Variants in UBE3A observed in about 807,000 individuals in gnomAD.
UBE3A encodes the protein ubiquitin protein ligase E3A.
Under a neutral mutation model 83.4 loss-of-function variants are expected in UBE3A, and 6 were observed. The observed-to-expected ratio is 0.07, with a 90% confidence interval of 0.04 to 0.14. The LOEUF (loss-of-function observed/expected upper bound fraction) is 0.14. UBE3A is among the 10% of genes least tolerant of loss of function. The pLI is 1.00. For synonymous variants in UBE3A, 337 were observed against 355.4 expected, an observed-to-expected ratio of 0.95 and a Z score of 0.58; for missense variants, 456 against 1,036.1, an observed-to-expected ratio of 0.44 and a Z score of 7.69.
At chr15:25,433,587 C>T (rs1439983645) in intron 1 of UBE3A, among the ~76,000 whole-genome samples, 2 of 152,118 alleles carry the variant, frequency 1.3e-5, no homozygotes, top group South Asian at 2.1e-4. Flanking sequence ...AAAGAAGGAA[C>T]GAAGGCTTCA....
intron 6 of UBE3A, among the ~76,000 whole-genome samples, chr15:25,362,971 A>G (rs1366328342): frequency 1.3e-5 from 2 of 152,196 alleles, no homozygotes; most frequent in Non-Finnish European, 2.9e-5. Flanking sequence ...CATAGATGAG[A>G]GCTGACTCCT....
intron 4 of UBE3A, among the ~76,000 whole-genome samples, chr15:25,380,460 C>G (rs1403054085): frequency 6.6e-6 from 1 of 152,108 alleles, no homozygotes; most frequent in Non-Finnish European, 1.5e-5. Context: ...AGTGACCCTG[C>G]CATCTAATCA....
chr15:25,409,137 A>T lies in UBE3A; in HGVS notation c.-30T>A. 6.3e-7 allele frequency: 1 copy of T among 1,593,364 alleles called. No homozygotes were observed. The highest frequency in any genetic ancestry group is 8.6e-7 in the Non-Finnish European group (1 of 1,168,818). On this transcript the variant is annotated 5_prime_UTR_variant, in exon 3 of 13. Coordinates refer to ENST00000648336, the MANE Select transcript of UBE3A (RefSeq NM_130839.5). Reference sequence around the variant, plus strand: ...TGACATCAGGGTGATCACAGCTTTGAGTCACTGATTAAAAACAGGTTGTCA... The same window carrying T: ...TGACATCAGGGTGATCACAGCTTTGTGTCACTGATTAAAAACAGGTTGTCA...
At chr15:25,357,148 C>T (rs972200500) in intron 7 of UBE3A, among the ~76,000 whole-genome samples, 2 of 151,986 alleles carry the variant, frequency 1.3e-5, no homozygotes, top group Non-Finnish European at 2.9e-5. Context: ...AATTTGGTGG[C>T]ATCGGGTAGA....
At chr15:25,411,363 G>T (rs1162006890) in intron 2 of UBE3A, among the ~76,000 whole-genome samples, 1 of 152,250 alleles carries the variant, frequency 6.6e-6, no homozygotes, top group Non-Finnish European at 1.5e-5. Context: ...GCCAAGGCGG[G>T]TGGATCACTT....
rs572181591 is a variant in UBE3A, at chr15:25,432,243, T to C, written c.-165+6246A>G. On this transcript the variant is annotated intron_variant, in intron 1 of 12. Transcript: ENST00000648336. Reference sequence around the variant, plus strand: ...TCCATAGTGAATACATGGTGCTTTATTGTTTTCAGTATTTCTATATTTAAT... The same window carrying C: ...TCCATAGTGAATACATGGTGCTTTACTGTTTTCAGTATTTCTATATTTAAT... Among the ~76,000 whole-genome samples the C allele has an allele frequency of 3.2e-4, 49 of 152,348 alleles. No homozygotes were observed. In the Middle Eastern group the frequency reaches 0.01, roughly 32 times the overall value.
At chr15:25,430,828 A>G (rs1283869458) in intron 1 of UBE3A, among the ~76,000 whole-genome samples, 1 of 152,212 alleles carries the variant, frequency 6.6e-6, no homozygotes, top group Non-Finnish European at 1.5e-5. Flanking sequence ...CCCATTCTCC[A>G]GCTGAGATCC....
At chr15:25,392,578 C>T (rs570742112) in intron 4 of UBE3A, among the ~76,000 whole-genome samples, 27 of 152,050 alleles carry the variant, frequency 1.8e-4, no homozygotes, top group African/African-American at 5.8e-4. Flanking sequence ...GAGAAAGCCA[C>T]GATTTCAATA....
chr15:25,391,095 CTAAACATCCA>C (rs1302650674), intron 4 of UBE3A, among the ~76,000 whole-genome samples: 3 of 152,010 alleles, frequency 2.0e-5, no homozygotes, highest in Non-Finnish European at 4.4e-5. Context: ...TGGAAGGAAC[CTAAACATCCA>C]TCAACAAATG....
chr15:25,349,697 C>A (rs2076218502), intron 11 of UBE3A, among the ~76,000 whole-genome samples: 2 of 152,244 alleles, frequency 1.3e-5, no homozygotes, highest in Middle Eastern at 3.4e-3. Context: ...TTTTTAAATT[C>A]TTTCCTTAAA....
chr15:25,405,614 A>G lies in UBE3A; in HGVS notation c.21-112T>C, dbSNP rs1033813610. ...TAAACAAGATTTAAGCACTAAATAAAACAGTTTTAAAATTAAAGATGTCAA... is the reference window on the plus strand; with the variant it reads ...TAAACAAGATTTAAGCACTAAATAAGACAGTTTTAAAATTAAAGATGTCAA... On this transcript the variant is annotated intron_variant, in intron 3 of 12. Transcript: ENST00000648336. The G allele has an allele frequency of 2.6e-6, 3 of 1,134,296 alleles. No individual in the cohort carries two copies. The African/African-American group carries it at 4.6e-5, about 17-fold the overall frequency. The allele number at this position is 1,134,296 out of a possible 1,614,324, so 70.3% of individuals were successfully genotyped here. A position where few individuals can be genotyped will look rare whatever the true frequency, so the allele number is the denominator to read the frequency against.
intron 4 of UBE3A, among the ~76,000 whole-genome samples, chr15:25,381,631 G>A (rs1342709088): frequency 2.6e-5 from 4 of 152,188 alleles, no homozygotes; most frequent in Non-Finnish European, 5.9e-5. Context: ...TATATAATTA[G>A]TCTATAAAGC....
chr15:25,362,883 A>G (rs917805958), intron 6 of UBE3A, among the ~76,000 whole-genome samples: 6 of 152,138 alleles, frequency 3.9e-5, no homozygotes, highest in African/African-American at 7.2e-5. Flanking sequence ...TATCAAATAT[A>G]ATGTATTCCA....
In UBE3A at chr15:25,354,576, C is replaced by T. The variant is rs755098625; in HGVS notation, c.2232G>A (p.Lys744=). The T allele has an allele frequency of 6.2e-7, 1 of 1,613,882 alleles. No individual in the cohort carries two copies. The highest frequency in any genetic ancestry group is 1.3e-5 in the African/African-American group (1 of 75,026). The stretch of plus-strand genomic sequence containing the variant: ...CAATTTCTTCTGGTCTGAATAAGTA[C>T]TTTAAGGGAGATTCATTGGTCACCA... The part of the protein sequence containing the change: ...FHMVTNESPL[K]YLFRPEEIEL... Residue 744 remains lysine (K), a synonymous_variant, in exon 10 of 13, where the codon AAG becomes AAA. Transcript: ENST00000648336.
At chr15:25,398,798 T>TATATATAA (rs2086318764) in intron 4 of UBE3A, among the ~76,000 whole-genome samples, 1 of 81,232 alleles carries the variant, frequency 1.2e-5, no homozygotes, top group Non-Finnish European at 2.6e-5. Context: ...TATATATATA[T>TATATATAA]ATATATATAT....
intron 3 of UBE3A, among the ~76,000 whole-genome samples, chr15:25,406,244 A>G (rs1275016757): frequency 6.6e-6 from 1 of 152,210 alleles, no homozygotes; most frequent in Non-Finnish European, 1.5e-5. Context: ...TTCAACAATG[A>G]AACTGTTTCC....
At chr15:25,373,709 C>T (rs1446334414) in intron 5 of UBE3A, 1 of 152,148 alleles carries the variant, frequency 6.6e-6, no homozygotes, top group Non-Finnish European at 1.5e-5. Context: ...GATCTCTTGA[C>T]GTCGTGATTC....
intron 1 of UBE3A, among the ~76,000 whole-genome samples, chr15:25,421,318 C>T (rs768658294): frequency 3.3e-5 from 5 of 152,194 alleles, no homozygotes; most frequent in South Asian, 2.1e-4. Context: ...CAGATGGTGG[C>T]GCCATGCTTG....
At chr15:25,364,840 G>T (rs1478036051) in intron 6 of UBE3A, among the ~76,000 whole-genome samples, 1 of 151,744 alleles carries the variant, frequency 6.6e-6, no homozygotes, top group Non-Finnish European at 1.5e-5. Flanking sequence ...TAGAGATGGG[G>T]TTTCACTGTG....
Sources: allele counts gnomAD v4.1 joint callset (sites outside exome capture counted in the v4.1 genomes callset), GRCh38; gene constraint gnomAD v4.1.1; transcripts MANE v1.5; gene names NCBI Gene and HGNC (gene_info 2026-07-23, HGNC 2026-07-21).